SGCD: variants seen among roughly 807,000 people sequenced by gnomAD.
SGCD encodes delta-sarcoglycan.
Under a neutral mutation model 36.6 loss-of-function variants are expected in SGCD, and 18 were observed. The observed-to-expected ratio is 0.49, with a 90% CI of 0.34 to 0.73. The LOEUF is 0.73. Among genes scored for constraint, SGCD ranks in the 30% least tolerant of loss-of-function variants. The pLI, the probability that SGCD is intolerant of heterozygous loss-of-function variation, is 0.01. For missense variants in SGCD, 387 were observed against 346.7 expected (o/e 1.12, Z -0.92); for synonymous variants, 133 against 130.6 (o/e 1.02, Z -0.12).
chr5:156,641,071 A>G (rs769767286), intron 6 of SGCD, among the ~76,000 whole-genome samples: 1 of 152,218 alleles, frequency 6.6e-6, no homozygotes, highest in Non-Finnish European at 1.5e-5. Flanking sequence ...TTGGTTAAAC[A>G]TAACGCAACT....
At chr5:156,211,372 C>A (rs937039605) in intron 3 of SGCD, among the ~76,000 whole-genome samples, 1 of 152,066 alleles carries the variant, frequency 6.6e-6, no homozygotes, top group Non-Finnish European at 1.5e-5. Flanking sequence ...CTTTGGGAGG[C>A]CGAGGGGGGC....
chr5:156,403,199 G>A (rs1772242830), intron 3 of SGCD, among the ~76,000 whole-genome samples: 1 of 152,120 alleles, frequency 6.6e-6, no homozygotes, highest in Non-Finnish European at 1.5e-5. Flanking sequence ...AGTCACAGCA[G>A]TGCACTTCAG....
At chr5:155,864,572 T>C in the SGCD span, among the ~76,000 whole-genome samples, 11 of 152,354 alleles carry the variant, frequency 7.2e-5, 1 homozygote, top group African/African-American at 2.6e-4. Context: ...TGATTCTATA[T>C]TTGAGATTTA....
At chr5:155,864,248 C>T in the SGCD span, among the ~76,000 whole-genome samples, 5 of 152,128 alleles carry the variant, frequency 3.3e-5, no homozygotes, top group Admixed American at 6.5e-5. Context: ...GCGCAGTAGG[C>T]GGTTAGTTCA....
chr5:156,109,444 C>T (rs780980824), intron 1 of SGCD, among the ~76,000 whole-genome samples: 1 of 152,058 alleles, frequency 6.6e-6, no homozygotes, highest in Non-Finnish European at 1.5e-5. Context: ...TTCCCTCAAC[C>T]CTAAAGACAG....
the SGCD span, among the ~76,000 whole-genome samples, chr5:155,826,474 C>T: frequency 2.9e-3 from 438 of 152,322 alleles, 2 homozygotes; most frequent in African/African-American, 9.3e-3. Context: ...ATCTCTCACT[C>T]TTCCCACTGT....
chr5:156,214,551 C>A (rs1388708936), intron 3 of SGCD, among the ~76,000 whole-genome samples: 1 of 151,890 alleles, frequency 6.6e-6, no homozygotes, highest in Non-Finnish European at 1.5e-5. Context: ...AAATATTTTA[C>A]AGATTAAATA....
intron 1 of SGCD, among the ~76,000 whole-genome samples, chr5:156,105,104 C>T (rs953331688): frequency 2.0e-5 from 3 of 152,030 alleles, no homozygotes; most frequent in African/African-American, 7.2e-5. Flanking sequence ...ATGTAACAAA[C>T]CTGCACGTTG....
At chr5:156,456,668 T>C (rs1265426200) in intron 3 of SGCD, among the ~76,000 whole-genome samples, 2 of 152,230 alleles carry the variant, frequency 1.3e-5, no homozygotes, top group Non-Finnish European at 2.9e-5. Flanking sequence ...CTGGAAGAGC[T>C]GAGGAAAGTT....
chr5:156,508,573 T>G, intron 3 of SGCD, 28 bp from the exon 4 acceptor site: 1 of 1,447,460 alleles, frequency 6.9e-7, no homozygotes, highest in South Asian at 1.2e-5. Flanking sequence ...AATCATATCT[T>G]CCTTGTTATC....
chr5:156,581,727 C>T (rs1419298501), intron 4 of SGCD, among the ~76,000 whole-genome samples: 6 of 152,222 alleles, frequency 3.9e-5, no homozygotes, highest in Non-Finnish European at 8.8e-5. Flanking sequence ...ACCTGCTGAA[C>T]TAGGCATGGG....
At chr5:156,711,036 G>A (rs1426076003) in intron 7 of SGCD, among the ~76,000 whole-genome samples, 2 of 152,142 alleles carry the variant, frequency 1.3e-5, no homozygotes, top group Non-Finnish European at 2.9e-5. Context: ...TTGCCACAAA[G>A]GGTCTGTTTG....
the SGCD span, among the ~76,000 whole-genome samples, chr5:155,770,558 A>G: frequency 6.6e-6 from 1 of 152,270 alleles, no homozygotes; most frequent in Admixed American, 6.5e-5. Flanking sequence ...GTTAGGAATT[A>G]AAAGTCATGT....
At chr5:156,570,701 A>T (rs537130448) in intron 4 of SGCD, among the ~76,000 whole-genome samples, 43 of 152,310 alleles carry the variant, frequency 2.8e-4, no homozygotes, top group Non-Finnish European at 5.3e-4. Context: ...AGGTAAATGT[A>T]TGTCATGAGG....
chr5:155,961,753 A>C (rs577108036), intron 1 of SGCD, among the ~76,000 whole-genome samples: 2 of 152,058 alleles, frequency 1.3e-5, no homozygotes, highest in Non-Finnish European at 2.9e-5. Context: ...TTTGCTACGG[A>C]ATCACTTTTT....
intron 2 of SGCD, among the ~76,000 whole-genome samples, chr5:156,335,973 G>T (rs1768332576): frequency 6.6e-6 from 1 of 152,172 alleles, no homozygotes; most frequent in African/African-American, 2.4e-5. Context: ...GAGAACACTA[G>T]AGTGATCCTG....
the SGCD span, among the ~76,000 whole-genome samples, chr5:155,803,558 A>G: frequency 8.7e-4 from 133 of 152,328 alleles, no homozygotes; most frequent in South Asian, 1.7e-3. Context: ...TGGGAGATGT[A>G]ACTCTCTAAG....
intron 3 of SGCD, among the ~76,000 whole-genome samples, chr5:156,257,608 A>T (rs1468480322): frequency 1.3e-5 from 2 of 152,224 alleles, no homozygotes; most frequent in African/African-American, 2.4e-5. Flanking sequence ...TCATGCCTGT[A>T]ATCCCAGCAC....
At chr5:155,944,354 G>A (rs755130443) in intron 1 of SGCD, among the ~76,000 whole-genome samples, 5 of 152,188 alleles carry the variant, frequency 3.3e-5, no homozygotes, top group Non-Finnish European at 5.9e-5. Context: ...ATTGTTAAAG[G>A]TTTGCAGATG....
Sources: gnomAD v4.1 joint callset for allele counts (sites outside exome capture counted in the v4.1 genomes callset) on GRCh38, gnomAD v4.1.1 for gene constraint, MANE v1.5 for transcripts, NCBI Gene and HGNC (gene_info 2026-07-23, HGNC 2026-07-21) for gene names.